The following ZC2HC1B variants were observed in gnomAD, a reference collection of about 807,000 sequenced individuals.
ZC2HC1B encodes zinc finger C2HC-type containing 1B, also known as zinc finger C2HC domain-containing protein 1B.
ZC2HC1B carries 36 observed loss-of-function variants against 31.0 expected under a neutral mutation model. The observed-to-expected ratio is 1.16, with a 90% CI of 0.89 to 1.54. ZC2HC1B has a LOEUF of 1.54. Among genes scored for constraint, ZC2HC1B ranks in the 40% most tolerant of loss-of-function variants. ZC2HC1B has a pLI of 0.00. For missense variants in ZC2HC1B, 260 were observed against 268.6 expected, an observed-to-expected ratio of 0.97 and a Z score of 0.22; for synonymous variants, 73 against 88.0, an observed-to-expected ratio of 0.83 and a Z score of 0.95.
chr6:143,892,797 T>C (rs761110907), intron 4 of ZC2HC1B, among the ~76,000 whole-genome samples: 4 of 152,112 alleles, frequency 2.6e-5, no homozygotes, highest in African/African-American at 4.8e-5. Flanking sequence ...ATATCAACCA[T>C]ATATAAAAAG....
chr6:143,898,829 T>A, intron 5 of ZC2HC1B, 138 bp downstream of exon 5: 2 of 1,113,474 alleles, frequency 1.8e-6, no homozygotes, highest in Non-Finnish European at 2.5e-6. Context: ...TGCTCACCCC[T>A]GTGGGAGCTG....
At chr6:143,925,374 A>G (rs1212805657) in intron 6 of ZC2HC1B, among the ~76,000 whole-genome samples, 12 of 150,398 alleles carry the variant, frequency 8.0e-5, no homozygotes, top group African/African-American at 2.9e-4. Flanking sequence ...ACGGGGTTTC[A>G]CTTTGTTAGC....
chr6:143,875,257 T>A (rs1777391441), intron 1 of ZC2HC1B, among the ~76,000 whole-genome samples: 1 of 152,110 alleles, frequency 6.6e-6, no homozygotes, highest in South Asian at 2.1e-4. Context: ...CACAAATCTG[T>A]TTTACAAGGC....
At chr6:143,893,773 G>A (rs559172975) in intron 4 of ZC2HC1B, among the ~76,000 whole-genome samples, 9 of 151,838 alleles carry the variant, frequency 5.9e-5, no homozygotes, top group Admixed American at 5.9e-4. Context: ...TGCAAGCTCC[G>A]CCTCCCAGGT....
intron 6 of ZC2HC1B, among the ~76,000 whole-genome samples, chr6:143,910,803 G>T (rs1420654412): frequency 6.6e-6 from 1 of 151,892 alleles, no homozygotes; most frequent in Non-Finnish European, 1.5e-5. Context: ...TCCCAGGCTG[G>T]AGTGCAGTGG....
chr6:143,890,398 C>CAAA (rs35848743), intron 4 of ZC2HC1B, among the ~76,000 whole-genome samples: 1 of 63,210 alleles, frequency 1.6e-5, no homozygotes, highest in African/African-American at 5.0e-5. Flanking sequence ...CAATACAATA[C>CAAA]AAAAAAAAAA....
At chr6:143,928,823 G>A (rs2128497625) in intron 6 of ZC2HC1B, among the ~76,000 whole-genome samples, 1 of 70,184 alleles carries the variant, frequency 1.4e-5, no homozygotes, top group South Asian at 6.9e-4. Flanking sequence ...GTATTCCTAG[G>A]GTTTTTTTTT....
Position 143,886,657 on chromosome 6 carries a change from T to C in ZC2HC1B, c.211-26T>C. The C allele has an allele frequency of 1.3e-6, 2 of 1,512,062 alleles. No individual in the cohort carries two copies. Among genetic ancestry groups the C allele is most frequent in the Non-Finnish European group, 8.8e-7 (1 of 1,130,660 alleles). The allele number at this position is 1,512,062 out of a possible 1,614,324, so 93.7% of individuals were successfully genotyped here. A position where few individuals can be genotyped will look rare whatever the true frequency, so the allele number is the denominator to read the frequency against. ...ATGGAGAGGTATATAGTCTAGGGTA[T>C]TATTTGTTGGTTTTATTTTTTACAG... On this transcript the variant is annotated intron_variant, in intron 3 of 7. Transcript: ENST00000237275. The surrounding 1 kb of genome is among the most constrained non-coding windows in gnomAD (Gnocchi z 4.2).
At chr6:143,930,199 CT>C (rs1160055325) in intron 6 of ZC2HC1B, among the ~76,000 whole-genome samples, 7 of 151,316 alleles carry the variant, frequency 4.6e-5, no homozygotes, top group South Asian at 4.2e-4. Flanking sequence ...CAGGATCTTT[CT>C]TTTTTTAATG....
In ZC2HC1B at chr6:143,886,545, T is replaced by A. The variant is rs921667360; in HGVS notation, c.211-138T>A. On this transcript the variant is annotated intron_variant, in intron 3 of 7. Transcript: ENST00000237275. The surrounding 1 kb of genome is among the most constrained non-coding windows in gnomAD (Gnocchi z 4.2). ...GTACTTTCCAAACCTCTTTAAGGAG[T>A]ACTTTTGAAAAACAAACTCTCCTTT... 1.6e-5 allele frequency: 14 copies of A among 850,526 alleles called. No individual in the cohort carries two copies. The African/African-American group carries it at 2.5e-4, about 15-fold the overall frequency. 52.7% of individuals were successfully genotyped at this position (850,526 alleles called of 1,614,324 possible). A position where few individuals can be genotyped will look rare whatever the true frequency, so the allele number is the denominator to read the frequency against.
rs1777754801 is a variant in ZC2HC1B at position 143,903,055 on chromosome 6, G to C, written c.501G>C (p.Gln167His). 6.4e-7 allele frequency: 1 copy of C among 1,551,694 alleles called. No individual in the cohort carries two copies. Among genetic ancestry groups the C allele is most frequent in the African/African-American group, 1.4e-5 (1 of 73,056 alleles). ...KLASRAQGRAQMGPKKEPTVT... is the reference protein window; with the variant it reads ...KLASRAQGRAHMGPKKEPTVT... ...TTCTCTCTCTGTAGGGTAGGGCTCA[G>C]ATGGGTCCAAAAAAAGAACCAACTG... Residue 167 changes from glutamine (Q) to histidine (H), a missense_variant, in exon 6 of 8, where the codon CAG (glutamine) becomes CAC (histidine). Physicochemically the swap from Gln to His is conservative, Grantham distance 24. Coordinates refer to ENST00000237275, the MANE Select transcript of ZC2HC1B (RefSeq NM_001013623.3). This position sits in a 1 kb window ranked among gnomAD's most constrained non-coding sequence, Gnocchi z 4.3.
intron 1 of ZC2HC1B, among the ~76,000 whole-genome samples, chr6:143,879,823 G>GTTTTT (rs1491086540): frequency 3.6e-4 from 36 of 101,222 alleles, no homozygotes; most frequent in East Asian, 1.2e-3. Flanking sequence ...AGTTGTCCCT[G>GTTTTT]ATTTTTTTTT....
chr6:143,866,972 C>G (rs1462447963), intron 1 of ZC2HC1B, among the ~76,000 whole-genome samples: 1 of 152,110 alleles, frequency 6.6e-6, no homozygotes, highest in Non-Finnish European at 1.5e-5. Context: ...ATCCAAAATC[C>G]AAAAACGTTG....
At position 143,903,367 on chromosome 6, in the gene ZC2HC1B, AT is replaced by A. The variant is rs1372512855; in HGVS notation, c.598+217del. 1.3e-5 allele frequency among the ~76,000 whole-genome samples: 2 copies of A among 152,228 alleles called. No homozygotes were observed. Among genetic ancestry groups the A allele is most frequent in the African/African-American group, 4.8e-5 (2 of 41,472 alleles). On this transcript the variant is annotated intron_variant, in intron 6 of 7. Transcript: ENST00000237275. The surrounding 1 kb of genome is among the most constrained non-coding windows in gnomAD (Gnocchi z 4.3). ...ACAACTTTCACAATGTACAAGTCAA[AT>A]TCGATTACTGCAATGGGAGTCTAAA...
intron 6 of ZC2HC1B, among the ~76,000 whole-genome samples, chr6:143,927,091 C>T (rs962614749): frequency 6.6e-6 from 1 of 151,972 alleles, no homozygotes; most frequent in African/African-American, 2.4e-5. Context: ...AGCCACCGCG[C>T]CCGGCCCGAA....
At chr6:143,920,105 A>C (rs1353725120) in intron 6 of ZC2HC1B, among the ~76,000 whole-genome samples, 2 of 152,132 alleles carry the variant, frequency 1.3e-5, no homozygotes, top group Non-Finnish European at 2.9e-5. Flanking sequence ...ATAAAAAAAC[A>C]ATTTCTTTAT....
At chr6:143,907,836 C>T (rs1184461788) in intron 6 of ZC2HC1B, among the ~76,000 whole-genome samples, 1 of 152,182 alleles carries the variant, frequency 6.6e-6, no homozygotes, top group Admixed American at 6.5e-5. Flanking sequence ...GTGTCTTCAT[C>T]ATGAAATCTT....
At chr6:143,914,408 T>C (rs1191212347) in intron 6 of ZC2HC1B, among the ~76,000 whole-genome samples, 1 of 152,232 alleles carries the variant, frequency 6.6e-6, no homozygotes, top group African/African-American at 2.4e-5. Context: ...TTATTTCTGC[T>C]TTATCTCACC....
intron 6 of ZC2HC1B, among the ~76,000 whole-genome samples, chr6:143,926,946 G>A (rs1458375623): frequency 9.8e-6 from 1 of 101,924 alleles, no homozygotes; most frequent in Non-Finnish European, 1.9e-5. Flanking sequence ...GAGTAGCTGG[G>A]ACTACAGGCG....
Sources: gnomAD v4.1 joint callset for allele counts (sites outside exome capture counted in the v4.1 genomes callset) on GRCh38, gnomAD v4.1.1 for gene constraint, Gnocchi (gnomAD v3.1) non-coding constraint, MANE v1.5 for transcripts, NCBI Gene and HGNC (gene_info 2026-07-23, HGNC 2026-07-21) for gene names.